The following SETD2 variants were observed in gnomAD, a reference collection of about 807,000 sequenced individuals.
The protein encoded by SETD2 is SET domain containing 2, histone lysine methyltransferase, also known as histone-lysine N-methyltransferase SETD2.
Under a neutral mutation model 242.1 loss-of-function variants are expected in SETD2, and 31 were observed. The observed-to-expected ratio is 0.13, with a 90% CI of 0.10 to 0.17. The LOEUF (loss-of-function observed/expected upper bound fraction) is 0.17. SETD2 is among the 10% of genes least tolerant of loss of function. The pLI is 1.00. For synonymous variants in SETD2, 1,006 were observed against 1,066.5 expected (o/e 0.94, Z 1.11); for missense variants, 2,481 against 3,046.3 (o/e 0.81, Z 4.37).
intron 4 of SETD2, among the ~76,000 whole-genome samples, chr3:47,116,394 C>G (rs1012141267): frequency 2.6e-5 from 4 of 152,114 alleles, no homozygotes; most frequent in African/African-American, 9.7e-5. Context: ...GACTACTTTA[C>G]CAAGCACTTA....
At chr3:47,088,421 C>T (rs1186939443) in intron 9 of SETD2, among the ~76,000 whole-genome samples, 174 bp from the exon 10 acceptor site, 1 of 152,034 alleles carries the variant, frequency 6.6e-6, no homozygotes, top group Non-Finnish European at 1.5e-5. Context: ...AACAAGTCTA[C>T]TGTTGATGAA....
intron 11 of SETD2, among the ~76,000 whole-genome samples, chr3:47,085,010 C>A (rs2041492739): frequency 6.6e-6 from 1 of 151,942 alleles, no homozygotes; most frequent in African/African-American, 2.4e-5. Flanking sequence ...GGATTACAGG[C>A]ATTGAGCCAC....
In SETD2 at chr3:47,163,926, G is replaced by A. The variant is rs761020197; in HGVS notation, c.-2C>T. The A allele has an allele frequency of 3.1e-6, 4 of 1,301,010 alleles. No individual in the cohort carries two copies. The highest frequency in any genetic ancestry group is 3.9e-6 in the Non-Finnish European group (4 of 1,019,854). 80.6% of individuals were successfully genotyped at this position (1,301,010 alleles called of 1,614,324 possible). ...CGGCTGCGGCTGCAGCTGCTTCATC[G>A]GGAGCGGCTGGAGACGGCGACGCGA... is the stretch of plus-strand genomic sequence containing the variant. On this transcript the variant is annotated 5_prime_UTR_variant, in exon 1 of 21. Transcript: ENST00000409792.
intron 3 of SETD2, chr3:47,119,862 GT>G: frequency 1.5e-5 from 7 of 472,358 alleles, no homozygotes; most frequent in South Asian, 3.6e-5. Flanking sequence ...GTTTTATTCT[GT>G]TTTTTTGGTC....
intron 18 of SETD2, among the ~76,000 whole-genome samples, chr3:47,033,475 G>A (rs1411083022): frequency 6.6e-6 from 1 of 152,144 alleles, no homozygotes; most frequent in Non-Finnish European, 1.5e-5. Context: ...TCTAGAAGGA[G>A]GCTGGCTTGA....
rs774624204 is a variant in SETD2, at chr3:47,120,213, G to C, written c.4423C>G (p.Leu1475Val). The change falls in exon 3 of 21, where the codon CTT becomes GTT. Residue 1475 changes from leucine (L) to valine (V), a missense_variant. Physicochemically the swap from Leu to Val is conservative, Grantham distance 32 (BLOSUM62 1). Transcript: ENST00000409792. ...KQGKMPCYFD[L>V]IEENVYLTER... is the part of the protein sequence containing the mutation. ...GTTAAATAAACATTTTCTTCAATAA[G>C]ATCAAAGTAACATGGCATTTTCCCT... 1.3e-6 allele frequency: 2 copies of C among 1,562,384 alleles called. No homozygotes were observed. Among genetic ancestry groups the C allele is most frequent in the Admixed American group, 2.0e-5 (1 of 48,810 alleles).
chr3:47,103,244 G>A, intron 7 of SETD2, 102 bp downstream of exon 7: 1 of 720,848 alleles, frequency 1.4e-6, no homozygotes, highest in Non-Finnish European at 2.5e-6. Context: ...AGGAAAAAGG[G>A]ACTAAAAAAT....
intron 1 of SETD2, among the ~76,000 whole-genome samples, chr3:47,162,792 G>A (rs1165004903): frequency 6.6e-6 from 1 of 152,186 alleles, no homozygotes; most frequent in East Asian, 1.9e-4. Flanking sequence ...CCAGCAAACG[G>A]TGTTTAAGAA....
intron 10 of SETD2, among the ~76,000 whole-genome samples, chr3:47,087,455 T>C (rs1294843128): frequency 6.6e-6 from 1 of 152,120 alleles, no homozygotes; most frequent in African/African-American, 2.4e-5. Context: ...GGGTTCGTGC[T>C]CCTATGAGAA....
rs1306620044 is a variant in SETD2 at position 47,123,303 on chromosome 3, G to A, written c.1333C>T (p.Arg445Cys). 3.9e-6 allele frequency: 6 copies of A among 1,551,650 alleles called. No individual in the cohort carries two copies. In the East Asian group the frequency reaches 1.5e-4, roughly 38 times the overall value. ...TTATCTGTGTATGGCCGAGAATAGC[G>A]CGTCCTCTCTCGATAAGGGGAGCTC... ...HRSSPYRERTRYSRPYTDNRA... is the reference protein window; with the variant it reads ...HRSSPYRERTCYSRPYTDNRA... Residue 445 changes from arginine to cysteine, a missense_variant, in exon 3 of 21, where the codon CGC (arginine) becomes TGC (cysteine). Around this residue, in one of 17 missense-constraint regions of SETD2, gnomAD observed 1,300 missense variants for 1,259.2 expected, o/e 1.03. Transcript: ENST00000409792.
chr3:47,125,335 T>C (rs1207525700), intron 2 of SETD2, among the ~76,000 whole-genome samples: 1 of 84,456 alleles, frequency 1.2e-5, no homozygotes, highest in African/African-American at 5.9e-5. Context: ...ATAAAAAATT[T>C]AAAAATTAAA....
intron 6 of SETD2, chr3:47,105,618 C>T (rs1276444672): frequency 3.8e-5 from 16 of 416,212 alleles, no homozygotes; most frequent in Non-Finnish European, 7.6e-5. Flanking sequence ...TCATTTTTGT[C>T]GCTTAATATA....
At chr3:47,092,194 C>A (rs935113285) in intron 9 of SETD2, among the ~76,000 whole-genome samples, 25 of 152,286 alleles carry the variant, frequency 1.6e-4, no homozygotes, top group African/African-American at 6.0e-4. Flanking sequence ...GAACATTCCT[C>A]AGCGGTTATA....
In SETD2 at chr3:47,120,757, A is replaced by G. The variant is rs368131294; in HGVS notation, c.3879T>C (p.Tyr1293=). The G allele has an allele frequency of 1.2e-6, 2 of 1,614,046 alleles. No individual in the cohort carries two copies. Among genetic ancestry groups the G allele is most frequent in the Non-Finnish European group, 8.5e-7 (1 of 1,180,048 alleles). The change falls in exon 3 of 21, where the codon TAT becomes TAC. Residue 1293 remains tyrosine, a synonymous_variant. Transcript: ENST00000409792. Reference sequence around the variant, plus strand: ...CTTGCCAGTAATCACGTGTCCCACCATACTGTTCTGCATTTTGCTGATACT... The same window carrying G: ...CTTGCCAGTAATCACGTGTCCCACCGTACTGTTCTGCATTTTGCTGATACT... ...GHKYQQNAEQ[Y]GGTRDYWQGN...
At position 47,017,626 on chromosome 3, in the gene SETD2, C is replaced by T. The variant is rs746910175; in HGVS notation, c.7533+12G>A. 1.3e-6 allele frequency: 2 copies of T among 1,594,686 alleles called. No homozygotes were observed. The highest frequency in any genetic ancestry group is 1.7e-6 in the Non-Finnish European group (2 of 1,162,270). On this transcript the variant is annotated intron_variant, in intron 20 of 20. Transcript: ENST00000409792. This position sits in a 1 kb window ranked among gnomAD's most constrained non-coding sequence, Gnocchi z 4.8. The stretch of plus-strand genomic sequence containing the variant: ...ACATTGCCTGGTGGGCTACCAAAAG[C>T]AAGGGGAGTACCTTGCGAGCCAGAT...
intron 12 of SETD2, among the ~76,000 whole-genome samples, chr3:47,072,862 G>T (rs1360138208): frequency 6.6e-6 from 1 of 151,352 alleles, no homozygotes; most frequent in East Asian, 1.9e-4. Flanking sequence ...CAGGAGAATG[G>T]TGTGACCCTG....
At chr3:47,062,657 C>T (rs774460495) in intron 13 of SETD2, among the ~76,000 whole-genome samples, 4 of 152,228 alleles carry the variant, frequency 2.6e-5, no homozygotes, top group Admixed American at 6.5e-5. Context: ...ATTCCCATTA[C>T]ATTTAGCAAG....
At position 47,122,594 on chromosome 3, in the gene SETD2, G is replaced by A. The variant is rs2106682448; in HGVS notation, c.2042C>T (p.Ser681Phe). Residue 681 changes from serine to phenylalanine, a missense_variant, in exon 3 of 21, where the codon TCT becomes TTT. Physicochemically the swap from Ser to Phe is radical, Grantham distance 155. Transcript: ENST00000409792. ...LNINGSPGAE[S>F]DLATFCTSKT... Reference sequence around the variant, plus strand: ...AGAAGTGCAAAATGTTGCCAAATCAGATTCTGCCCCAGGAGATCCATTTAT... The same window carrying A: ...AGAAGTGCAAAATGTTGCCAAATCAAATTCTGCCCCAGGAGATCCATTTAT... The A allele has an allele frequency of 6.2e-7, 1 of 1,614,078 alleles. No homozygotes were observed.
chr3:47,062,486 C>G, intron 13 of SETD2, 140 bp from the exon 14 acceptor site: 1 of 719,562 alleles, frequency 1.4e-6, no homozygotes, highest in Non-Finnish European at 2.3e-6. Flanking sequence ...GTCATCTACC[C>G]AGTTCTGAAT....
Sources: gnomAD v4.1 joint callset for allele counts (sites outside exome capture counted in the v4.1 genomes callset) on GRCh38, gnomAD v4.1.1 for gene constraint, gnomAD v4.1.1 regional missense constraint, Gnocchi (gnomAD v3.1) non-coding constraint, MANE v1.5 for transcripts, NCBI Gene and HGNC (gene_info 2026-07-23, HGNC 2026-07-21) for gene names.